Variants in RASSF8 observed in about 807,000 individuals in gnomAD.
The protein encoded by RASSF8 is ras association domain-containing protein 8.
In RASSF8, 22 loss-of-function variants were observed where a neutral mutation model predicts 48.5. That is an observed-to-expected ratio of 0.45 (90% CI 0.32 to 0.65). The LOEUF is 0.65. Ranked by LOEUF, RASSF8 falls within the 30% of genes least tolerant of loss-of-function variation. The pLI, the probability that RASSF8 is intolerant of heterozygous loss-of-function variation, is 0.03. For missense variants in RASSF8, 418 were observed against 489.2 expected (o/e 0.85, Z 1.37); for synonymous variants, 127 against 171.5 (o/e 0.74, Z 2.03).
At chr12:26,063,287 G>A (rs1429453262) in intron 3 of RASSF8, among the ~76,000 whole-genome samples, 1 of 152,106 alleles carries the variant, frequency 6.6e-6, no homozygotes, top group Non-Finnish European at 1.5e-5. Flanking sequence ...TAAAAAGCAT[G>A]TTCAAGCTTA....
chr12:26,033,742 C>T (rs1192369369), intron 2 of RASSF8, among the ~76,000 whole-genome samples: 1 of 152,024 alleles, frequency 6.6e-6, no homozygotes, highest in Non-Finnish European at 1.5e-5. Flanking sequence ...TTAATATGCA[C>T]ATCTGCCTTG....
At chr12:25,969,091 G>T (rs1181892254) in intron 1 of RASSF8, among the ~76,000 whole-genome samples, 1 of 152,224 alleles carries the variant, frequency 6.6e-6, no homozygotes, top group Non-Finnish European at 1.5e-5. Context: ...AAGGGCTGGA[G>T]ATGAGGCAGA....
rs907267147 is a variant in RASSF8 at position 26,069,366 on chromosome 12, A to C, written c.*548A>C. Reference sequence around the variant, plus strand: ...ATCGAAGCTAACTCCACAGGAAGCCACTTGCATTTGTTTTGTGAAACTGTC... The same window carrying C: ...ATCGAAGCTAACTCCACAGGAAGCCCCTTGCATTTGTTTTGTGAAACTGTC... On this transcript the variant is annotated 3_prime_UTR_variant, in exon 6 of 6. Transcript: ENST00000689635. 3.0e-6 allele frequency: 3 copies of C among 984,912 alleles called. No individual in the cohort carries two copies. The highest frequency in any genetic ancestry group is 3.5e-5 in the African/African-American group (2 of 57,232). 61.0% of individuals were successfully genotyped at this position (984,912 alleles called of 1,614,324 possible). A position where few individuals can be genotyped will look rare whatever the true frequency, so the allele number is the denominator to read the frequency against.
intron 2 of RASSF8, among the ~76,000 whole-genome samples, chr12:26,024,802 A>G (rs1473917512): frequency 1.3e-5 from 2 of 151,820 alleles, no homozygotes; most frequent in African/African-American, 2.4e-5. Context: ...TAAAAAATAC[A>G]AAAAATTAGC....
chr12:26,058,705 G>A (rs1254499652), intron 3 of RASSF8, among the ~76,000 whole-genome samples: 3 of 152,140 alleles, frequency 2.0e-5, no homozygotes, highest in African/African-American at 7.2e-5. Flanking sequence ...TGACAGCTAA[G>A]GTTTTCTTCA....
intron 1 of RASSF8, among the ~76,000 whole-genome samples, chr12:25,975,875 G>A (rs891324497): frequency 3.3e-5 from 5 of 152,178 alleles, no homozygotes; most frequent in Non-Finnish European, 7.4e-5. Context: ...GAAAACTGTG[G>A]TGGTGGCTGA....
intron 2 of RASSF8, among the ~76,000 whole-genome samples, chr12:26,019,139 C>T (rs1942724475): frequency 6.6e-6 from 1 of 152,130 alleles, no homozygotes; most frequent in Non-Finnish European, 1.5e-5. Flanking sequence ...GAGAGTGTCT[C>T]TATTATGAGC....
chr12:25,992,463 C>CT (rs1942036717), intron 1 of RASSF8, among the ~76,000 whole-genome samples: 1 of 152,128 alleles, frequency 6.6e-6, no homozygotes, highest in African/African-American at 2.4e-5. Flanking sequence ...ATGAACAGTA[C>CT]CAGTGAGTAC....
chr12:25,960,289 G>A (rs1941200262), intron 1 of RASSF8, among the ~76,000 whole-genome samples: 1 of 152,120 alleles, frequency 6.6e-6, no homozygotes, highest in South Asian at 2.1e-4. Context: ...ATCATGTTAT[G>A]AAGGAACAGA....
chr12:26,071,360 A>T lies in RASSF8; in HGVS notation c.*2542A>T, dbSNP rs987470151. 2.1e-6 allele frequency: 2 copies of T among 960,864 alleles called. No homozygotes were observed. The highest frequency in any genetic ancestry group is 3.5e-5 in the African/African-American group (2 of 56,586). The allele number at this position is 960,864 out of a possible 1,614,324, so 59.5% of individuals were successfully genotyped here. A position where few individuals can be genotyped will look rare whatever the true frequency, so the allele number is the denominator to read the frequency against. On this transcript the variant is annotated 3_prime_UTR_variant, in exon 6 of 6. Transcript: ENST00000689635. The stretch of plus-strand genomic sequence containing the variant: ...AAATATAAAATTTTCATCTGGGGGA[A>T]TGTTCAGGTTCTAAATACTAAATTA...
intron 2 of RASSF8, among the ~76,000 whole-genome samples, chr12:26,025,009 A>C (rs1008523997): frequency 6.6e-6 from 1 of 152,142 alleles, no homozygotes; most frequent in Non-Finnish European, 1.5e-5. Flanking sequence ...AAGAACAAAA[A>C]CTACATGATT....
intron 1 of RASSF8, among the ~76,000 whole-genome samples, chr12:25,993,948 C>G (rs926520666): frequency 1.3e-5 from 2 of 152,092 alleles, no homozygotes; most frequent in African/African-American, 4.8e-5. Flanking sequence ...AAGCCATTGG[C>G]ATTTTTATAA....
intron 2 of RASSF8, among the ~76,000 whole-genome samples, chr12:26,040,193 A>G (rs75977314): frequency 0.064 from 9,817 of 152,284 alleles, 492 homozygotes; most frequent in African/African-American, 0.14. Context: ...TTTAAAAAAG[A>G]AATTAGGAAA....
chr12:25,959,610 A>G (rs1344983111), intron 1 of RASSF8: 1 of 152,254 alleles, frequency 6.6e-6, no homozygotes, highest in Admixed American at 6.5e-5. Context: ...ACTATTAACC[A>G]TCTGCATTCT....
intron 2 of RASSF8, among the ~76,000 whole-genome samples, chr12:26,000,997 T>TC (rs1942243125): frequency 2.1e-5 from 3 of 142,106 alleles, no homozygotes; most frequent in Admixed American, 1.4e-4. Flanking sequence ...TTTTTTTTTT[T>TC]TTTTTTTTGA....
chr12:26,064,157 G>C (rs1350473900), intron 3 of RASSF8, among the ~76,000 whole-genome samples: 2 of 152,332 alleles, frequency 1.3e-5, no homozygotes, highest in Admixed American at 1.3e-4. Flanking sequence ...CTTTGTTTCA[G>C]CTAGAAAATA....
intron 2 of RASSF8, among the ~76,000 whole-genome samples, chr12:26,014,608 T>C (rs1243086471): frequency 6.6e-6 from 1 of 151,788 alleles, no homozygotes; most frequent in African/African-American, 2.4e-5. Flanking sequence ...ATAGTATGTA[T>C]TTATTTGAAA....
chr12:26,022,956 A>G (rs949845096), intron 2 of RASSF8, among the ~76,000 whole-genome samples: 1 of 152,170 alleles, frequency 6.6e-6, no homozygotes, highest in African/African-American at 2.4e-5. Flanking sequence ...CATGTTGGTC[A>G]GGCTGGTCTC....
At chr12:26,058,530 G>GCA (rs1943662839) in intron 3 of RASSF8, among the ~76,000 whole-genome samples, 1 of 41,074 alleles carries the variant, frequency 2.4e-5, no homozygotes, top group Non-Finnish European at 6.2e-5. Flanking sequence ...ACATGCGCAC[G>GCA]CGCGCGCGCA....
Sources: allele counts gnomAD v4.1 joint callset (sites outside exome capture counted in the v4.1 genomes callset), GRCh38; gene constraint gnomAD v4.1.1; transcripts MANE v1.5; gene names NCBI Gene and HGNC (gene_info 2026-07-23, HGNC 2026-07-21).